DICER1: variants seen among roughly 807,000 people sequenced by gnomAD.
DICER1 encodes the protein dicer 1, ribonuclease III.
In DICER1, 43 loss-of-function variants were observed where a neutral mutation model predicts 194.1. The ratio of observed to expected loss-of-function variants is 0.22; its 90% CI spans 0.17 to 0.29. The LOEUF is 0.29. DICER1 is among the 10% of genes least tolerant of loss of function. The pLI is 1.00. For missense variants in DICER1, 1,608 were observed against 2,317.0 expected, an observed-to-expected ratio of 0.69 and a Z score of 6.28; for synonymous variants, 832 against 820.5, an observed-to-expected ratio of 1.01 and a Z score of -0.24.
At chr14:95,141,460 T>C (rs952463621) in intron 1 of DICER1, among the ~76,000 whole-genome samples, 4 of 152,238 alleles carry the variant, frequency 2.6e-5, no homozygotes, top group African/African-American at 4.8e-5. Flanking sequence ...AGATCTGACA[T>C]CAGACTTGGT....
rs1555367730 is a variant in DICER1, at chr14:95,096,318, G to A, written c.4602C>T (p.Asn1534=). 8 of 1,614,196 alleles carry A rather than the reference G, an allele frequency of 5.0e-6. No homozygotes were observed. Among genetic ancestry groups the A allele is most frequent in the Non-Finnish European group, 6.8e-6 (8 of 1,180,040 alleles). ...ACTGCTTTCCCGTGTCAACACCACA[G>A]TTTTCTTCTGATGGATTCCAGAACC... ...VVGFWNPSEE[N]CGVDTGKQSI... is the part of the protein sequence containing the mutation. The change falls in exon 23 of 27, where the codon AAC becomes AAT. Residue 1534 remains asparagine, a synonymous_variant. Transcript: ENST00000343455.
At position 95,146,452 on chromosome 14, in the gene DICER1, C is replaced by G. The variant is rs760584371; in HGVS notation, c.-46+10778G>C. 7.9e-4 allele frequency among the ~76,000 whole-genome samples: 120 copies of G among 152,208 alleles called. 1 individual carries two copies. The highest frequency in any genetic ancestry group is 1.8e-4 in the Non-Finnish European group (12 of 68,044). Reference sequence around the variant, plus strand: ...TTCTGAGCCTGTAAAAGCCCAGGACCCAGCCACACTGGGGGAAAAACCACA... The same window carrying G: ...TTCTGAGCCTGTAAAAGCCCAGGACGCAGCCACACTGGGGGAAAAACCACA... On this transcript the variant is annotated intron_variant, in intron 1 of 26. Transcript: ENST00000343455.
In DICER1 at chr14:95,108,359, A is replaced by C. The variant is rs1060503599; in HGVS notation, c.2401T>G (p.Cys801Gly). Residue 801 changes from cysteine to glycine, a missense_variant, in exon 15 of 27, where the codon TGC becomes GGC. Physicochemically the swap from Cys to Gly is radical, Grantham distance 159. Around this residue, in one of 10 missense-constraint regions of DICER1, gnomAD observed 150 missense variants for 216.0 expected, o/e 0.69. Coordinates refer to ENST00000343455, the MANE Select transcript of DICER1 (RefSeq NM_177438.3). ...KLYPPEDTTR[C>G]FGILTAKPIP... ...GGTTTGGCCGTCAGTATTCCAAAGC[A>C]TCTTGTGGTATCTTCAGGAGGATAG... 3.1e-6 allele frequency: 5 copies of C among 1,613,838 alleles called. No homozygotes were observed. Among genetic ancestry groups the C allele is most frequent in the Non-Finnish European group, 4.2e-6 (5 of 1,180,018 alleles).
intron 21 of DICER1, among the ~76,000 whole-genome samples, chr14:95,103,101 C>T (rs563193610): frequency 6.6e-6 from 1 of 152,132 alleles, no homozygotes; most frequent in African/African-American, 2.4e-5. Context: ...AAGTAAGGCA[C>T]GTGGAGATCA....
At chr14:95,145,542 AAAG>A (rs1343226797) in intron 1 of DICER1, among the ~76,000 whole-genome samples, 1 of 152,198 alleles carries the variant, frequency 6.6e-6, no homozygotes, top group Non-Finnish European at 1.5e-5. Context: ...AAAATATAAA[AAAG>A]AAATCAAAAG....
chr14:95,096,679 T>C lies in DICER1; in HGVS notation c.4241A>G (p.Asp1414Gly), dbSNP rs1890382966. The change falls in exon 23 of 27, where the codon GAT (aspartate) becomes GGT (glycine). Residue 1414 changes from aspartate (D) to glycine (G), a missense_variant. Asp to Gly is a moderately conservative substitution (Grantham distance 94, BLOSUM62 -1). This residue lies in a region of DICER1 where 164 missense variants were observed against 183.7 expected (regional missense o/e 0.89). Coordinates refer to ENST00000343455, the MANE Select transcript of DICER1 (RefSeq NM_177438.3). ...CTCATCCTCCTCCTCGTAATCCTCATCCAGTTTGCCATTCGCCAGCATGCA... is the reference window on the plus strand; with the variant it reads ...CTCATCCTCCTCCTCGTAATCCTCACCCAGTTTGCCATTCGCCAGCATGCA... Reference protein sequence around the residue: ...KDCMLANGKLDEDYEEEDEEE... With the variant: ...KDCMLANGKLGEDYEEEDEEE... 4 of 1,612,608 alleles carry C rather than the reference T, an allele frequency of 2.5e-6. No individual in the cohort carries two copies. The highest frequency in any genetic ancestry group is 3.4e-6 in the Non-Finnish European group (4 of 1,179,262).
At position 95,148,180 on chromosome 14, in the gene DICER1, C is replaced by A. The variant is rs546098961; in HGVS notation, c.-46+9050G>T. ...CAGGAACCTCCATGTGTTCAACTAT[C>A]CAGAAGCTTTCCAAACTCTGTCCTT... On this transcript the variant is annotated intron_variant, in intron 1 of 26. Coordinates refer to ENST00000343455, the MANE Select transcript of DICER1 (RefSeq NM_177438.3). 1.8e-4 allele frequency among the ~76,000 whole-genome samples: 28 copies of A among 152,302 alleles called. 1 individual carries two copies. In the South Asian group the frequency reaches 5.8e-3, roughly 32 times the overall value.
At chr14:95,118,063 T>C (rs746214893) in intron 8 of DICER1, among the ~76,000 whole-genome samples, 12 of 152,216 alleles carry the variant, frequency 7.9e-5, no homozygotes, top group Non-Finnish European at 1.2e-4. Context: ...AGGATGAGAC[T>C]GAGCTAGTCA....
intron 1 of DICER1, among the ~76,000 whole-genome samples, chr14:95,154,521 G>C (rs1054403617): frequency 1.3e-5 from 2 of 152,208 alleles, no homozygotes; most frequent in African/African-American, 4.8e-5. Context: ...ATACCATTCA[G>C]CTTTTCCAAG....
At chr14:95,141,133 G>A (rs1894804023) in intron 1 of DICER1, 1 of 152,118 alleles carries the variant, frequency 6.6e-6, no homozygotes, top group African/African-American at 2.4e-5. Flanking sequence ...AAGAAATAAA[G>A]AAGGTCACCA....
At chr14:95,138,994 T>TAAAAAAAAAAAA (rs67050539) in intron 1 of DICER1, among the ~76,000 whole-genome samples, 2 of 135,964 alleles carry the variant, frequency 1.5e-5, no homozygotes, top group African/African-American at 5.3e-5. Context: ...AATAAAAAAA[T>TAAAAAAAAAAAA]AAAAAAAAAA....
At chr14:95,123,469 C>G (rs923503148) in intron 8 of DICER1, among the ~76,000 whole-genome samples, 1 of 152,204 alleles carries the variant, frequency 6.6e-6, no homozygotes, top group Non-Finnish European at 1.5e-5. Flanking sequence ...ACTGCCCAGG[C>G]TGGAGTGCAG....
chr14:95,093,260 C>A (rs138037774), intron 24 of DICER1, among the ~76,000 whole-genome samples: 2 of 152,156 alleles, frequency 1.3e-5, no homozygotes, highest in Non-Finnish European at 2.9e-5. Flanking sequence ...CACAGGTATG[C>A]AGATGAATGT....
At chr14:95,146,904 G>C (rs1895172017) in intron 1 of DICER1, among the ~76,000 whole-genome samples, 1 of 152,266 alleles carries the variant, frequency 6.6e-6, no homozygotes, top group Admixed American at 6.5e-5. Context: ...AAAGGAAAAA[G>C]GGAGGGAGTG....
At chr14:95,142,542 T>C (rs2060995723) in intron 1 of DICER1, among the ~76,000 whole-genome samples, 1 of 152,224 alleles carries the variant, frequency 6.6e-6, no homozygotes, top group Admixed American at 6.5e-5. Context: ...TAAAATTCAA[T>C]GTCACCCAAC....
At chr14:95,127,620 G>C (rs55874297) in intron 6 of DICER1, among the ~76,000 whole-genome samples, 16,150 of 152,182 alleles carry the variant, frequency 0.11, 1,140 homozygotes, top group East Asian at 0.38. Flanking sequence ...TTCATCACAA[G>C]GTCAGATATG....
chr14:95,119,528 T>C (rs912298712), intron 8 of DICER1, among the ~76,000 whole-genome samples: 10 of 152,238 alleles, frequency 6.6e-5, no homozygotes, highest in African/African-American at 1.9e-4. Flanking sequence ...CAGAGGATAA[T>C]GGACAGTGCA....
intron 6 of DICER1, 110 bp downstream of exon 6, chr14:95,129,362 C>A: frequency 1.0e-6 from 1 of 997,492 alleles, no homozygotes; most frequent in Non-Finnish European, 1.6e-6. Context: ...CTTTTTACTG[C>A]CATTTGTTCA....
At chr14:95,106,333 A>T (rs1891427144) in intron 17 of DICER1, 110 bp from the exon 18 acceptor site, 2 of 830,452 alleles carry the variant, frequency 2.4e-6, no homozygotes, top group African/African-American at 3.4e-5. Flanking sequence ...TCAAAAGATT[A>T]AAAATAAGTA....
Sources: allele counts gnomAD v4.1 joint callset (sites outside exome capture counted in the v4.1 genomes callset), GRCh38; gene constraint gnomAD v4.1.1; regional missense constraint gnomAD v4.1.1; transcripts MANE v1.5; gene names NCBI Gene and HGNC (gene_info 2026-07-23, HGNC 2026-07-21).